Variants in ATE1 observed in about 807,000 individuals in gnomAD.
ATE1 encodes arginyltransferase 1.
A neutral mutation model predicts 70.5 loss-of-function variants in ATE1; 36 were observed. That is an observed-to-expected ratio of 0.51 (90% CI 0.39 to 0.67). ATE1 has a LOEUF of 0.67. Ranked by LOEUF, ATE1 falls within the 30% of genes least tolerant of loss-of-function variation. The pLI is 0.00. For missense variants in ATE1, 593 were observed against 629.5 expected (o/e 0.94, Z 0.62); for synonymous variants, 232 against 219.3 (o/e 1.06, Z -0.51).
chr10:121,879,181 G>C (rs547692170), intron 7 of ATE1, among the ~76,000 whole-genome samples: 1 of 152,276 alleles, frequency 6.6e-6, no homozygotes, highest in South Asian at 2.1e-4. Context: ...CATGATTTGT[G>C]TTCCGGCCTC....
intron 10 of ATE1, among the ~76,000 whole-genome samples, chr10:121,823,279 G>A (rs1357730943): frequency 6.6e-6 from 1 of 151,782 alleles, no homozygotes; most frequent in Admixed American, 6.6e-5. Flanking sequence ...GACAGAACAA[G>A]ACTTCCTCTC....
At chr10:121,821,715 T>TA (rs1947805474) in intron 10 of ATE1, among the ~76,000 whole-genome samples, 2 of 152,180 alleles carry the variant, frequency 1.3e-5, no homozygotes, top group Non-Finnish European at 2.9e-5. Context: ...ACCCCATCTC[T>TA]ACTAAAAATA....
chr10:121,925,458 A>C (rs1952049501), intron 1 of ATE1, among the ~76,000 whole-genome samples: 1 of 152,030 alleles, frequency 6.6e-6, no homozygotes. Context: ...AAAGAAAGAA[A>C]GTAACTCAAA....
In ATE1 at chr10:121,927,847, T is replaced by C. The variant is rs1344807214; in HGVS notation, c.103A>G (p.Asn35Asp). The change falls in exon 1 of 12, where the codon AAT (asparagine) becomes GAT (aspartate). Residue 35 changes from asparagine (N) to aspartate (D), a missense_variant. Transcript: ENST00000224652. ...CCCGCCGGCCCGGCTCGCTCACCAT[T>C]GGAGCGGCTGCCCGACTCGTTCTTG... ...YCKNESGSRS[N>D]GMWAHSMTVQ... The C allele has an allele frequency of 6.4e-7, 1 of 1,572,408 alleles. No homozygotes were observed. Among genetic ancestry groups the C allele is most frequent in the South Asian group, 1.2e-5 (1 of 86,062 alleles).
chr10:121,791,239 G>A (rs1946444099), intron 10 of ATE1, among the ~76,000 whole-genome samples: 2 of 151,566 alleles, frequency 1.3e-5, no homozygotes, highest in Admixed American at 1.3e-4. Context: ...GGTTACTGGT[G>A]TATGCCACCA....
chr10:121,826,862 C>T (rs1353950335), intron 10 of ATE1, among the ~76,000 whole-genome samples: 2 of 152,194 alleles, frequency 1.3e-5, no homozygotes, highest in Non-Finnish European at 2.9e-5. Context: ...TAAGTGAGAA[C>T]ATGTGGTATC....
intron 10 of ATE1, among the ~76,000 whole-genome samples, chr10:121,791,753 C>T (rs932773613): frequency 4.6e-5 from 7 of 152,048 alleles, no homozygotes; most frequent in East Asian, 1.9e-4. Flanking sequence ...CAATGCTTAC[C>T]GATGTTATGT....
At chr10:121,804,673 G>A (rs954354102) in intron 10 of ATE1, among the ~76,000 whole-genome samples, 3 of 151,756 alleles carry the variant, frequency 2.0e-5, no homozygotes, top group Non-Finnish European at 4.4e-5. Flanking sequence ...AGCTTCTGGT[G>A]ATGAGTGTCT....
At chr10:121,895,332 G>A (rs1018776503) in intron 7 of ATE1, among the ~76,000 whole-genome samples, 2 of 152,214 alleles carry the variant, frequency 1.3e-5, no homozygotes, top group Non-Finnish European at 2.9e-5. Context: ...ACCCAAGGCT[G>A]AGCACGGTGG....
intron 7 of ATE1, among the ~76,000 whole-genome samples, chr10:121,876,956 A>C (rs1007990151): frequency 1.5e-4 from 22 of 146,830 alleles, no homozygotes; most frequent in Non-Finnish European, 2.7e-4. Flanking sequence ...ACAGAGCGAC[A>C]CTCCAGTCTC....
chr10:121,868,751 G>A (rs969023009), intron 8 of ATE1, among the ~76,000 whole-genome samples: 6 of 151,944 alleles, frequency 3.9e-5, no homozygotes, highest in Admixed American at 2.6e-4. Context: ...CTGCTTCCCC[G>A]TTGATCCTGG....
At chr10:121,913,731 G>A (rs910335921) in intron 4 of ATE1, 59 bp downstream of exon 4, 2 of 1,216,218 alleles carry the variant, frequency 1.6e-6, no homozygotes, top group African/African-American at 1.5e-5. Context: ...CAAGATGACT[G>A]AAAGTGGGAC....
At chr10:121,858,660 A>ATATATATGTAATATATATTT in intron 8 of ATE1, among the ~76,000 whole-genome samples, 1 of 139,200 alleles carries the variant, frequency 7.2e-6, no homozygotes, top group Admixed American at 7.5e-5. Flanking sequence ...TATACATATA[A>ATATATATGTAATATATATTT]TATATATATA....
At position 121,927,954 on chromosome 10, in the gene ATE1, T is replaced by C; in HGVS notation, c.-5A>G. ...ACCCCCCGCCCAGAAAGCCATGGCC[T>C]CGGCCCCGCGAACGCTCAGCCGCCC... On this transcript the variant is annotated 5_prime_UTR_variant, in exon 1 of 12. Coordinates refer to ENST00000224652, the MANE Select transcript of ATE1 (RefSeq NM_001001976.3). 6.5e-7 allele frequency: 1 copy of C among 1,534,346 alleles called. No homozygotes were observed.
intron 11 of ATE1, among the ~76,000 whole-genome samples, chr10:121,752,058 A>G (rs1232905406): frequency 6.6e-5 from 10 of 151,044 alleles, no homozygotes; most frequent in African/African-American, 9.7e-5. Flanking sequence ...TTAGCCAGGC[A>G]CGGTGGCGGC....
intron 11 of ATE1, among the ~76,000 whole-genome samples, chr10:121,760,597 G>A (rs1297569750): frequency 6.6e-6 from 1 of 152,204 alleles, no homozygotes; most frequent in Non-Finnish European, 1.5e-5. Flanking sequence ...AGGAGGAGTT[G>A]TTTCTTATGG....
intron 8 of ATE1, among the ~76,000 whole-genome samples, chr10:121,850,613 T>A (rs929488316): frequency 6.6e-6 from 1 of 152,168 alleles, no homozygotes; most frequent in African/African-American, 2.4e-5. Context: ...GACCACACTC[T>A]TGAGAATCAC....
intron 11 of ATE1, among the ~76,000 whole-genome samples, chr10:121,774,833 AC>A (rs11290917): frequency 0.93 from 141,891 of 151,928 alleles, 66,431 homozygotes; most frequent in Non-Finnish European, 0.97. Context: ...CAATTAAATG[AC>A]CCCCCCCAAA....
intron 10 of ATE1, among the ~76,000 whole-genome samples, chr10:121,797,694 A>C (rs1283558923): frequency 1.3e-5 from 2 of 151,554 alleles, no homozygotes; most frequent in Non-Finnish European, 2.9e-5. Context: ...ATCCTCCTCC[A>C]TCATGTCACC....
Sources: allele counts gnomAD v4.1 joint callset (sites outside exome capture counted in the v4.1 genomes callset), GRCh38; gene constraint gnomAD v4.1.1; transcripts MANE v1.5; gene names NCBI Gene and HGNC (gene_info 2026-07-23, HGNC 2026-07-21).